Variants in NAALADL1 observed in about 807,000 individuals in gnomAD.
The protein encoded by NAALADL1 is aminopeptidase NAALADL1.
Under a neutral mutation model 82.8 loss-of-function variants are expected in NAALADL1, and 77 were observed. The observed-to-expected ratio is 0.93, with a 90% CI of 0.77 to 1.12. The LOEUF (loss-of-function observed/expected upper bound fraction) is 1.12. Among genes scored for constraint, NAALADL1 ranks in the 50% most tolerant of loss-of-function variants. The pLI, the probability that NAALADL1 is intolerant of heterozygous loss-of-function variation, is 0.00. For missense variants in NAALADL1, 956 were observed against 964.0 expected (o/e 0.99, Z 0.11); for synonymous variants, 358 against 399.2 (o/e 0.90, Z 1.23).
chr11:65,052,813 C>G (rs889767756), intron 8 of NAALADL1, among the ~76,000 whole-genome samples: 2 of 152,206 alleles, frequency 1.3e-5, no homozygotes, highest in Non-Finnish European at 2.9e-5. Context: ...CACTGAAACG[C>G]TGAAGTGCTG....
chr11:65,057,569 T>G, intron 3 of NAALADL1, 76 bp from the exon 4 acceptor site: 1 of 1,529,014 alleles, frequency 6.5e-7, no homozygotes, highest in Non-Finnish European at 8.8e-7. Context: ...GAAGTTTGCA[T>G]GGCAGGAGGG....
chr11:65,056,525 G>T (rs1438759513), intron 4 of NAALADL1, among the ~76,000 whole-genome samples: 1 of 151,818 alleles, frequency 6.6e-6, no homozygotes, highest in Admixed American at 6.6e-5. Context: ...TCAGCCTCCT[G>T]AGTAGCTAGG....
At chr11:65,058,292 AG>A (rs1163288131) in intron 1 of NAALADL1, 42 bp from the exon 2 acceptor site, 1 of 1,613,822 alleles carries the variant, frequency 6.2e-7, no homozygotes, top group Non-Finnish European at 8.5e-7. Flanking sequence ...AGCATCAGGG[AG>A]GGGGCCTCTG....
Position 65,053,121 on chromosome 11 carries a change from G to A in NAALADL1, c.1198+97C>T. ...GTCTGCCCCCAGGGCCCTCAGGCAT[G>A]GCACAAGGAGCACTGCAGTGTGAGG... On this transcript the variant is annotated intron_variant, in intron 8 of 17. Transcript: ENST00000358658. This position sits in a 1 kb window ranked among gnomAD's most constrained non-coding sequence, Gnocchi z 4.3. 7.1e-7 allele frequency: 1 copy of A among 1,413,096 alleles called. No individual in the cohort carries two copies. Among genetic ancestry groups the A allele is most frequent in the East Asian group, 2.5e-5 (1 of 40,100 alleles). The allele number at this position is 1,413,096 out of a possible 1,614,324, so 87.5% of individuals were successfully genotyped here. A position where few individuals can be genotyped will look rare whatever the true frequency, so the allele number is the denominator to read the frequency against.
Position 65,047,582 on chromosome 11 carries a change from G to A in NAALADL1, c.1509-17C>T, listed in dbSNP as rs1255654038. ...GAACCCAAGCTGCGGGAAGGAAGGG[G>A]GCCGGGATAAAGAGCGCTGGGCCGG... On this transcript the variant is annotated splice_polypyrimidine_tract_variant and intron_variant, in intron 12 of 17. Transcript: ENST00000358658. 3.2e-6 allele frequency: 5 copies of A among 1,573,976 alleles called. No individual in the cohort carries two copies. In the South Asian group the frequency reaches 4.7e-5, roughly 15 times the overall value.
Position 65,057,397 on chromosome 11 carries a change from A to G in NAALADL1, c.577T>C (p.Tyr193His), listed in dbSNP as rs148617575. ...TTGGCCCCACGCCCTACACCCCCATATCGAGTCAGGGCAATGGTGCCTTCA... is the reference window on the plus strand; with the variant it reads ...TTGGCCCCACGCCCTACACCCCCATGTCGAGTCAGGGCAATGGTGCCTTCA... ...KLEGTIALTR[Y>H]GGVGRGAKAV... Residue 193 changes from tyrosine to histidine, a missense_variant, in exon 4 of 18, where the codon TAT (tyrosine) becomes CAT (histidine). By Grantham distance (83) the Tyr-to-His change is moderately conservative (BLOSUM62 2). Transcript: ENST00000358658. The G allele has an allele frequency of 6.8e-6, 11 of 1,613,764 alleles. No homozygotes were observed. The highest frequency in any genetic ancestry group is 1.7e-5 in the Admixed American group (1 of 59,962).
Position 65,058,139 on chromosome 11 carries a change from G to C in NAALADL1, c.297C>G (p.Ala99=), listed in dbSNP as rs2137040209. 6.2e-7 allele frequency: 1 copy of C among 1,613,912 alleles called. No homozygotes were observed. Among genetic ancestry groups the C allele is most frequent in the East Asian group, 2.2e-5 (1 of 44,866 alleles). ...AGGACAGCAGCACTTCGTACGTGGA[G>C]GCCTCGGCCGAGTCCAGGCCTGACT... ...DPESGLDSAE[A]STYEVLLSFP... The change falls in exon 2 of 18, where the codon GCC becomes GCG. Residue 99 remains alanine, a synonymous_variant. Transcript: ENST00000358658.
rs1946949662 is a variant in NAALADL1, at chr11:65,053,539, T to C, written c.1030A>G (p.Arg344Gly). The change falls in exon 7 of 18, where the codon AGG (arginine) becomes GGG (glycine). Residue 344 changes from arginine (R) to glycine (G), a missense_variant. Transcript: ENST00000358658. This position sits in a 1 kb window ranked among gnomAD's most constrained non-coding sequence, Gnocchi z 4.3. ...ATGCCCAGGACGTTGGAAGAGTTCC[T>C]CAGCTCCAGGCGGTTGTAGACGCTC... ...NVSVYNRLEL[R>G]NSSNVLGIIR... The C allele has an allele frequency of 1.2e-6, 2 of 1,612,378 alleles. No individual in the cohort carries two copies. Among genetic ancestry groups the C allele is most frequent in the Non-Finnish European group, 1.7e-6 (2 of 1,179,206 alleles).
rs752587462 is a variant in NAALADL1 at position 65,058,529 on chromosome 11, A to C, written c.-8T>G. On this transcript the variant is annotated 5_prime_UTR_variant, in exon 1 of 18. Coordinates refer to ENST00000358658, the MANE Select transcript of NAALADL1 (RefSeq NM_005468.3). ...CACCTTCGTCCACTGCATCCTGCGG[A>C]CTCTTGGCCAGCTGGGGTAGGACTG... 6 of 1,577,600 alleles carry C rather than the reference A, an allele frequency of 3.8e-6. No homozygotes were observed. Among genetic ancestry groups the C allele is most frequent in the Non-Finnish European group, 5.2e-6 (6 of 1,163,156 alleles).
upstream of NAALADL1, among the ~76,000 whole-genome samples, chr11:65,059,433 C>T (rs1000149375): frequency 6.6e-6 from 1 of 152,198 alleles, no homozygotes; most frequent in Non-Finnish European, 1.5e-5. Context: ...AAATGTAAGG[C>T]CTAGAGCTAA....
rs747470735 is a variant in NAALADL1 at position 65,047,629 on chromosome 11, T to G, written c.1508+18A>C. On this transcript the variant is annotated intron_variant, in intron 12 of 17. Transcript: ENST00000358658. ...CCGGACCGCCTCGCTCCGGGCCCCC[T>G]TCTGTCCCTGGGCTTACCTGGGGAC... The G allele has an allele frequency of 6.3e-7, 1 of 1,594,550 alleles. No individual in the cohort carries two copies. The highest frequency in any genetic ancestry group is 8.5e-7 in the Non-Finnish European group (1 of 1,171,784).
In NAALADL1 at chr11:65,054,261, G is replaced by C. The variant is rs1434944101; in HGVS notation, c.981C>G (p.Phe327Leu). ...LGPGFRPDGD[F>L]PADSQVNVSV... ...TGGCTGCATCTCACCTGTCTGCTGG[G>C]AAGTCTCCGTCAGGCCGGAAGCCGG... Residue 327 changes from phenylalanine (F) to leucine (L), a missense_variant, in exon 6 of 18, where the codon TTC becomes TTG. By Grantham distance (22) the Phe-to-Leu change is conservative. Coordinates refer to ENST00000358658, the MANE Select transcript of NAALADL1 (RefSeq NM_005468.3). This position sits in a 1 kb window ranked among gnomAD's most constrained non-coding sequence, Gnocchi z 4.3. 2.5e-5 allele frequency: 41 copies of C among 1,613,856 alleles called. No individual in the cohort carries two copies. The highest frequency in any genetic ancestry group is 3.5e-5 in the Non-Finnish European group (41 of 1,179,918).
chr11:65,060,147 T>C (rs577720699), upstream of NAALADL1, among the ~76,000 whole-genome samples: 42 of 151,322 alleles, frequency 2.8e-4, no homozygotes, highest in African/African-American at 1.0e-3. Context: ...TGTGTGTGTG[T>C]GCACGTGCAT....
chr11:65,045,163 G>C lies in NAALADL1; in HGVS notation c.*108C>G. ...AGCTGTTGCCTGAGAAGCTTGAGAG[G>C]GTCCTGTGGTAGTGCCCTCTTCTGG... On this transcript the variant is annotated 3_prime_UTR_variant, in exon 18 of 18. Transcript: ENST00000358658. 8.0e-7 allele frequency: 1 copy of C among 1,244,744 alleles called. No individual in the cohort carries two copies. The allele number at this position is 1,244,744 out of a possible 1,614,324, so 77.1% of individuals were successfully genotyped here.
At position 65,053,358 on chromosome 11, in the gene NAALADL1, A is replaced by G. The variant is rs1186031435; in HGVS notation, c.1079-21T>C. The G allele has an allele frequency of 6.2e-7, 1 of 1,600,702 alleles. No homozygotes were observed. On this transcript the variant is annotated intron_variant, in intron 7 of 17. Coordinates refer to ENST00000358658, the MANE Select transcript of NAALADL1 (RefSeq NM_005468.3). The surrounding 1 kb of genome is among the most constrained non-coding windows in gnomAD (Gnocchi z 4.3). ...GCGATCTGGCCAGAGGAAAAGGGGC[A>G]GAGAACCAGAGGAGAGGGAGAGGTG... is the stretch of plus-strand genomic sequence containing the variant.
chr11:65,045,866 C>A lies in NAALADL1; in HGVS notation c.1992G>T (p.Arg664=). The change falls in exon 17 of 18, where the codon CGG becomes CGT. Residue 664 remains arginine (R), a synonymous_variant. Transcript: ENST00000358658. Reference sequence around the variant, plus strand: ...GGAAGGCTCTAGGGTTCAGAAAGGTCCGTTCCAAGAGCATCAACTGGTCAT... The same window carrying A: ...GGAAGGCTCTAGGGTTCAGAAAGGTACGTTCCAAGAGCATCAACTGGTCAT... ...MLNDQLMLLE[R]TFLNPRAFPE... 1 of 1,614,144 alleles carries A rather than the reference C, an allele frequency of 6.2e-7. No individual in the cohort carries two copies. Among genetic ancestry groups the A allele is most frequent in the South Asian group, 1.1e-5 (1 of 91,064 alleles).
At position 65,046,452 on chromosome 11, in the gene NAALADL1, C is replaced by A; in HGVS notation, c.1674G>T (p.Leu558Phe). Residue 558 changes from leucine to phenylalanine, a missense_variant, in exon 14 of 18, where the codon TTG (leucine) becomes TTT (phenylalanine). Leu to Phe is a conservative substitution (Grantham distance 22). Transcript: ENST00000358658. ...CCTTGTCTCCCTCCTCACCCGGGTC[C>A]AAAAACTTGTCCACATAGTCAAAGG... is the stretch of plus-strand genomic sequence containing the variant. Reference protein sequence around the residue: ...FDTFDYVDKFLDPGFSSHQAV... With the variant: ...FDTFDYVDKFFDPGFSSHQAV... The A allele has an allele frequency of 6.2e-7, 1 of 1,614,146 alleles. No individual in the cohort carries two copies. The highest frequency in any genetic ancestry group is 8.5e-7 in the Non-Finnish European group (1 of 1,180,018).
intron 8 of NAALADL1, among the ~76,000 whole-genome samples, chr11:65,052,582 G>A (rs1946918489): frequency 6.6e-6 from 1 of 152,082 alleles, no homozygotes; most frequent in Non-Finnish European, 1.5e-5. Context: ...AGAGTGCTGG[G>A]ATTACAGGCG....
intron 16 of NAALADL1, 43 bp from the exon 17 acceptor site, chr11:65,045,957 G>A (rs372678418): frequency 1.7e-4 from 268 of 1,612,028 alleles, no homozygotes; most frequent in Non-Finnish European, 2.2e-4. Flanking sequence ...GGAGCCAGCA[G>A]CCCAGCTACC....
Sources: gnomAD v4.1 joint callset for allele counts (sites outside exome capture counted in the v4.1 genomes callset) on GRCh38, gnomAD v4.1.1 for gene constraint, Gnocchi (gnomAD v3.1) non-coding constraint, MANE v1.5 for transcripts, NCBI Gene and HGNC (gene_info 2026-07-23, HGNC 2026-07-21) for gene names.